The following SBF1 variants were observed in gnomAD, a reference collection of about 807,000 sequenced individuals.
SBF1 encodes SET binding factor 1.
In SBF1, 65 loss-of-function variants were observed where a neutral mutation model predicts 215.8. The ratio of observed to expected loss-of-function variants is 0.30; its 90% confidence interval spans 0.25 to 0.37. SBF1 has a LOEUF of 0.37. Ranked by LOEUF, SBF1 falls within the 10% of genes least tolerant of loss-of-function variation. SBF1 has a pLI of 1.00. For missense variants in SBF1, 2,634 were observed against 2,667.8 expected, an observed-to-expected ratio of 0.99 and a Z score of 0.28; for synonymous variants, 1,410 against 1,122.8, an observed-to-expected ratio of 1.26 and a Z score of -5.11.
At chr22:50,451,425 G>A (rs745440276) in intron 36 of SBF1, among the ~76,000 whole-genome samples, 8 of 152,092 alleles carry the variant, frequency 5.3e-5, no homozygotes, top group Non-Finnish European at 8.8e-5. Context: ...TTGAAGACAA[G>A]CCAACAGAAA....
At position 50,447,091 on chromosome 22, in the gene SBF1, C is replaced by G. The variant is rs755239886; in HGVS notation, c.*51G>C. 69 of 1,535,148 alleles carry G rather than the reference C, an allele frequency of 4.5e-5. No individual in the cohort carries two copies. In the South Asian group the frequency reaches 7.6e-4, roughly 17 times the overall value. On this transcript the variant is annotated 3_prime_UTR_variant, in exon 41 of 41. Transcript: ENST00000380817. ...ATGGCCGGGGCGGCCCTGCCCACCCCTAGTGGTCGGTAACGACCGGAAGCA... is the reference window on the plus strand; with the variant it reads ...ATGGCCGGGGCGGCCCTGCCCACCCGTAGTGGTCGGTAACGACCGGAAGCA...
At position 50,460,302 on chromosome 22, in the gene SBF1, G is replaced by A. The variant is rs770257172; in HGVS notation, c.3253C>T (p.Pro1085Ser). The change falls in exon 25 of 41, where the codon CCC (proline) becomes TCC (serine). Residue 1085 changes from proline (P) to serine (S), a missense_variant. Transcript: ENST00000380817. ...PPSWEHRGQP[P>S]PEDQEDEISV... is the part of the protein sequence containing the mutation. ...ATCTCGTCCTCCTGGTCCTCAGGGG[G>A]CGGCTGGCCCCGGTGCTCCCAGCTG... 7 of 1,610,750 alleles carry A rather than the reference G, an allele frequency of 4.3e-6. No homozygotes were observed. In the South Asian group the frequency reaches 5.5e-5, roughly 13 times the overall value.
rs780854367 is a variant in SBF1, at chr22:50,465,292, C to T, written c.1126G>A (p.Ala376Thr). Residue 376 changes from alanine to threonine, a missense_variant, in exon 11 of 41, where the codon GCT becomes ACT. By Grantham distance (58) the Ala-to-Thr change is moderately conservative. Coordinates refer to ENST00000380817, the MANE Select transcript of SBF1 (RefSeq NM_002972.4). Reference sequence around the variant, plus strand: ...CAGCGATAGCCCTGCAGCAGCTGAGCGAACAGCCGCAGGAAGACCGCGCGC... The same window carrying T: ...CAGCGATAGCCCTGCAGCAGCTGAGTGAACAGCCGCAGGAAGACCGCGCGC... ...ELRAVFLRLF[A>T]QLLQGYRWCL... 16 of 1,606,330 alleles carry T rather than the reference C, an allele frequency of 1.0e-5. No homozygotes were observed. The highest frequency in any genetic ancestry group is 1.2e-5 in the Non-Finnish European group (14 of 1,177,326).
Position 50,459,490 on chromosome 22 carries a change from G to A in SBF1, c.3668C>T (p.Ala1223Val). The A allele has an allele frequency of 6.2e-7, 1 of 1,610,280 alleles. No individual in the cohort carries two copies. The highest frequency in any genetic ancestry group is 8.5e-7 in the Non-Finnish European group (1 of 1,179,816). ...HGKGVVGLFK[A>V]QNAPSPGQSQ... ...GGTACCTGGAGAAGGTGCGTTCTGG[G>A]CCTTGAAGAGGCCGACGACACCTTT... Residue 1223 changes from alanine (A) to valine (V), a missense_variant, in exon 27 of 41, where the codon GCC becomes GTC. Transcript: ENST00000380817.
chr22:50,467,502 G>C (rs201456971), intron 4 of SBF1, 30 bp downstream of exon 4: 3 of 1,613,786 alleles, frequency 1.9e-6, no homozygotes, highest in Non-Finnish European at 2.5e-6. Context: ...CACCCTCGTC[G>C]TGCCTCGCCG....
chr22:50,474,364 C>A (rs1279205441), intron 1 of SBF1, among the ~76,000 whole-genome samples: 1 of 152,222 alleles, frequency 6.6e-6, no homozygotes, highest in Non-Finnish European at 1.5e-5. Context: ...AGCCGCGGGT[C>A]CGCGCCCCTG....
intron 31 of SBF1, 76 bp from the exon 32 acceptor site, chr22:50,455,658 G>T: frequency 8.0e-7 from 1 of 1,244,806 alleles, no homozygotes; most frequent in Non-Finnish European, 1.1e-6. Flanking sequence ...CCAGAGACCC[G>T]CATGTCCACA....
chr22:50,463,609 C>A (rs1275514519), intron 15 of SBF1, among the ~76,000 whole-genome samples, 177 bp from the exon 16 acceptor site: 1 of 152,248 alleles, frequency 6.6e-6, no homozygotes, highest in East Asian at 1.9e-4. Context: ...GACAACTCCA[C>A]AAGTACAAGT....
rs2067822668 is a variant in SBF1, at chr22:50,467,555, G to A, written c.415C>T (p.Leu139Phe). The change falls in exon 4 of 41, where the codon CTC becomes TTC. Residue 139 changes from leucine (L) to phenylalanine (F), a missense_variant. Coordinates refer to ENST00000380817, the MANE Select transcript of SBF1 (RefSeq NM_002972.4). ...APKTLVLVSR[L>F]DHTEVFRNSL... The stretch of plus-strand genomic sequence containing the variant: ...ACCCTGAACACCTCCGTGTGGTCGA[G>A]TCGCGACACCAGTACCAGCGTCTTC... The A allele has an allele frequency of 1.2e-6, 2 of 1,614,176 alleles. No homozygotes were observed. The highest frequency in any genetic ancestry group is 1.7e-6 in the Non-Finnish European group (2 of 1,180,012).
At position 50,465,286 on chromosome 22, in the gene SBF1, G is replaced by A. The variant is rs2067699773; in HGVS notation, c.1132C>T (p.Leu378=). Reference sequence around the variant, plus strand: ...AGGCACCAGCGATAGCCCTGCAGCAGCTGAGCGAACAGCCGCAGGAAGACC... The same window carrying A: ...AGGCACCAGCGATAGCCCTGCAGCAACTGAGCGAACAGCCGCAGGAAGACC... The part of the protein sequence containing the change: ...RAVFLRLFAQ[L]LQGYRWCLHV... Residue 378 remains leucine, a synonymous_variant, in exon 11 of 41, where the codon CTG becomes TTG. Transcript: ENST00000380817. 6.2e-7 allele frequency: 1 copy of A among 1,608,776 alleles called. No individual in the cohort carries two copies. Among genetic ancestry groups the A allele is most frequent in the Non-Finnish European group, 8.5e-7 (1 of 1,178,282 alleles).
intron 31 of SBF1, chr22:50,455,792 C>A: frequency 1.7e-6 from 1 of 604,782 alleles, no homozygotes; most frequent in Non-Finnish European, 2.9e-6. Context: ...CACAGCCCAC[C>A]CCCTTCCAAG....
At chr22:50,474,596 C>G (rs1414337841) in intron 1 of SBF1, among the ~76,000 whole-genome samples, 190 bp downstream of exon 1, 6 of 151,036 alleles carry the variant, frequency 4.0e-5, no homozygotes, top group Non-Finnish European at 5.9e-5. Flanking sequence ...CCTCGGCTCC[C>G]CCGACCCCGG....
chr22:50,454,605 A>C lies in SBF1; in HGVS notation c.4950T>G (p.Asp1650Glu). The C allele has an allele frequency of 6.2e-7, 1 of 1,609,184 alleles. No individual in the cohort carries two copies. Among genetic ancestry groups the C allele is most frequent in the South Asian group, 1.1e-5 (1 of 90,636 alleles). Residue 1650 changes from aspartate (D) to glutamate (E), a missense_variant, in exon 36 of 41, where the codon GAT (aspartate) becomes GAG (glutamate). Physicochemically the swap from Asp to Glu is conservative, Grantham distance 45 (BLOSUM62 2). Coordinates refer to ENST00000380817, the MANE Select transcript of SBF1 (RefSeq NM_002972.4). ...PPEPPEEERS[D>E]GGAPQSRRRV... ...GGCGCCTGCTCTGGGGAGCGCCTCC[A>C]TCAGACCGTTCTTCCTCTGGGGGTT...
rs765389414 is a variant in SBF1 at position 50,466,225 on chromosome 22, C to T, written c.822G>A (p.Leu274=). The change falls in exon 8 of 41, where the codon CTG becomes CTA. Residue 274 remains leucine (L), a synonymous_variant. Coordinates refer to ENST00000380817, the MANE Select transcript of SBF1 (RefSeq NM_002972.4). ...GCGTGGGTGTGCTGAGGACCTCCAG[C>T]AGCTGAGCCGGCAGGATGGGCACAT... The part of the protein sequence containing the change: ...FTYVPILPAQ[L]LEVLSTPTPF... The T allele has an allele frequency of 2.7e-5, 44 of 1,613,392 alleles. No individual in the cohort carries two copies. The highest frequency in any genetic ancestry group is 3.6e-5 in the Non-Finnish European group (42 of 1,180,056).
chr22:50,453,415 A>T (rs1341562433), intron 36 of SBF1, among the ~76,000 whole-genome samples: 1 of 152,232 alleles, frequency 6.6e-6, no homozygotes, highest in Non-Finnish European at 1.5e-5. Context: ...TAAATGACTC[A>T]TTTAAGCCTC....
At position 50,446,356 on chromosome 22, in the gene SBF1, T is replaced by TGCCCCCCCCCCCC. The variant is rs2066808396; in HGVS notation, c.*785_*786insGGGGGGGGGGGGC. On this transcript the variant is annotated 3_prime_UTR_variant, in exon 41 of 41. Transcript: ENST00000380817. Reference sequence around the variant, plus strand: ...CCTGCATTCCCCTGGGAGCCCACTGTCCCCCCCCCCCCCCCGCCTCCGGCC... The same window carrying TGCCCCCCCCCCCC: ...CCTGCATTCCCCTGGGAGCCCACTGTGCCCCCCCCCCCCCCCCCCCCCCCCCCCGCCTCCGGCC... 1.4e-4 allele frequency: 5 copies of TGCCCCCCCCCCCC among 35,038 alleles called. No individual in the cohort carries two copies. Among genetic ancestry groups the TGCCCCCCCCCCCC allele is most frequent in the Non-Finnish European group, 2.9e-4 (5 of 17,164 alleles). The allele number at this position is 35,038 out of a possible 1,614,324, so 2.2% of individuals were successfully genotyped here.
At position 50,460,655 on chromosome 22, in the gene SBF1, T is replaced by C; in HGVS notation, c.3025A>G (p.Lys1009Glu). The C allele has an allele frequency of 6.2e-7, 1 of 1,614,006 alleles. No homozygotes were observed. Among genetic ancestry groups the C allele is most frequent in the Non-Finnish European group, 8.5e-7 (1 of 1,180,026 alleles). Residue 1009 changes from lysine (K) to glutamate (E), a missense_variant, in exon 24 of 41, where the codon AAG (lysine) becomes GAG (glutamate). Physicochemically the swap from Lys to Glu is moderately conservative, Grantham distance 56. Coordinates refer to ENST00000380817, the MANE Select transcript of SBF1 (RefSeq NM_002972.4). ...GGGTACCGCAGCTTATGCAGCTGCT[T>C]ACGGAAGAGCTCGGCGCTGTCAGAC... ...VGSDSAELFRKQLHKLRYPPD... is the reference protein window; with the variant it reads ...VGSDSAELFREQLHKLRYPPD...
intron 28 of SBF1, 87 bp from the exon 29 acceptor site, chr22:50,457,198 A>C: frequency 8.9e-7 from 1 of 1,126,698 alleles, no homozygotes; most frequent in Non-Finnish European, 1.2e-6. Context: ...AGAGGGTTCC[A>C]CCAAGCCCCC....
At position 50,447,100 on chromosome 22, in the gene SBF1, G is replaced by C. The variant is rs372702763; in HGVS notation, c.*42C>G. 3.2e-6 allele frequency: 5 copies of C among 1,559,908 alleles called. No homozygotes were observed. Among genetic ancestry groups the C allele is most frequent in the Non-Finnish European group, 2.6e-6 (3 of 1,144,408 alleles). On this transcript the variant is annotated 3_prime_UTR_variant, in exon 41 of 41. Transcript: ENST00000380817. ...GCGGCCCTGCCCACCCCTAGTGGTC[G>C]GTAACGACCGGAAGCAGAGCAGCCG...
Sources: allele counts gnomAD v4.1 joint callset (sites outside exome capture counted in the v4.1 genomes callset), GRCh38; gene constraint gnomAD v4.1.1; transcripts MANE v1.5; gene names NCBI Gene and HGNC (gene_info 2026-07-23, HGNC 2026-07-21).